Variants in TAF4B observed in about 807,000 individuals in gnomAD.
TAF4B encodes the protein transcription initiation factor TFIID subunit 4B.
TAF4B carries 38 observed loss-of-function variants against 86.4 expected under a neutral mutation model. The ratio of observed to expected loss-of-function variants is 0.44; its 90% CI spans 0.34 to 0.58. The LOEUF (loss-of-function observed/expected upper bound fraction) is 0.58. TAF4B is among the 20% of genes least tolerant of loss of function. The pLI, the probability that TAF4B is intolerant of heterozygous loss-of-function variation, is 0.02. For synonymous variants in TAF4B, 388 were observed against 391.2 expected (o/e 0.99, Z 0.10); for missense variants, 988 against 1,027.6 (o/e 0.96, Z 0.53).
At chr18:26,257,466 T>A (rs1449083269) in intron 1 of TAF4B, among the ~76,000 whole-genome samples, 2 of 152,170 alleles carry the variant, frequency 1.3e-5, no homozygotes, top group African/African-American at 4.8e-5. Context: ...GAGCATATAG[T>A]TGAATTTTGT....
intron 14 of TAF4B, among the ~76,000 whole-genome samples, chr18:26,368,796 A>G (rs1567925973): frequency 6.6e-6 from 1 of 152,130 alleles, no homozygotes; most frequent in Non-Finnish European, 1.5e-5. Flanking sequence ...CATAAATCTG[A>G]ATTTTTAGTT....
intron 9 of TAF4B, among the ~76,000 whole-genome samples, chr18:26,295,966 AT>A (rs1212213154): frequency 2.8e-5 from 4 of 144,458 alleles, no homozygotes; most frequent in African/African-American, 1.0e-4. Flanking sequence ...ATAGTTTTAA[AT>A]ATTAGTTCTT....
intron 14 of TAF4B, among the ~76,000 whole-genome samples, chr18:26,389,630 A>T (rs146507001): frequency 1.3e-5 from 2 of 152,234 alleles, no homozygotes; most frequent in African/African-American, 4.8e-5. Flanking sequence ...GCCATGCTGC[A>T]GGTGAGCAGG....
intron 9 of TAF4B, among the ~76,000 whole-genome samples, chr18:26,310,527 T>A (rs1392423796): frequency 1.3e-5 from 2 of 152,206 alleles, no homozygotes; most frequent in Non-Finnish European, 2.9e-5. Flanking sequence ...CTCACTGTGG[T>A]AGAGAGGCTC....
intron 13 of TAF4B, among the ~76,000 whole-genome samples, chr18:26,353,502 C>G (rs947344078): frequency 9.2e-5 from 14 of 152,216 alleles, no homozygotes; most frequent in Non-Finnish European, 1.8e-4. Context: ...AGGCCAAGGC[C>G]GGTGGATAGC....
chr18:26,323,607 A>G (rs11083171), intron 11 of TAF4B, among the ~76,000 whole-genome samples: 32,331 of 151,110 alleles, frequency 0.21, 4,135 homozygotes, highest in Non-Finnish European at 0.29. Flanking sequence ...AATTCTGTCA[A>G]TGTTTGTTTG....
At chr18:26,290,853 TTGAG>T (rs1450983399) in intron 7 of TAF4B, among the ~76,000 whole-genome samples, 1 of 152,196 alleles carries the variant, frequency 6.6e-6, no homozygotes, top group East Asian at 1.9e-4. Context: ...AGTGTTTCTC[TTGAG>T]TTTCAGTCTG....
At chr18:26,302,623 A>G (rs998210601) in intron 9 of TAF4B, among the ~76,000 whole-genome samples, 1 of 152,042 alleles carries the variant, frequency 6.6e-6, no homozygotes, top group Non-Finnish European at 1.5e-5. Context: ...GCATCCTCCC[A>G]AAGTGCTGGG....
Position 26,253,905 on chromosome 18 carries a change from AC to A in TAF4B, c.344-11257del, listed in dbSNP as rs200631552. ...ATTTGTGTAAAACTTATGCCCCCCC[AC>A]CCCCCCCATTTTATTTTGTTAATTA... On this transcript the variant is annotated intron_variant, in intron 1 of 14. Transcript: ENST00000269142. Among the ~76,000 whole-genome samples the A allele has an allele frequency of 5.0e-3, 130 of 26,224 alleles. 1 individual carries two copies. Among genetic ancestry groups the A allele is most frequent in the East Asian group, 0.049 (39 of 792 alleles). The allele number at this position is 26,224 out of a possible 152,430, so 17.2% of individuals were successfully genotyped here.
At chr18:26,265,823 GGGATTATA>G (rs1169103669) in intron 2 of TAF4B, among the ~76,000 whole-genome samples, 1 of 152,172 alleles carries the variant, frequency 6.6e-6, no homozygotes, top group Non-Finnish European at 1.5e-5. Flanking sequence ...CCAAAGTGCT[GGGATTATA>G]GGTGTGAGCC....
intron 9 of TAF4B, chr18:26,295,412 G>T: frequency 5.8e-6 from 1 of 172,576 alleles, no homozygotes; most frequent in Non-Finnish European, 1.2e-5. Context: ...TGAGGGGGAG[G>T]GGATAGTTTC....
chr18:26,367,338 C>G (rs766676306), intron 14 of TAF4B, among the ~76,000 whole-genome samples: 1 of 152,152 alleles, frequency 6.6e-6, no homozygotes, highest in Non-Finnish European at 1.5e-5. Context: ...GTGTAACTCT[C>G]AGTCCAAGGC....
intron 14 of TAF4B, among the ~76,000 whole-genome samples, chr18:26,363,328 T>C (rs1414725601): frequency 7.2e-6 from 1 of 139,746 alleles, no homozygotes; most frequent in Non-Finnish European, 1.5e-5. Flanking sequence ...TCCCAGCATT[T>C]TGAGAGGCTG....
At chr18:26,319,676 G>GTCTCAA (rs2056944798) in intron 10 of TAF4B, among the ~76,000 whole-genome samples, 1 of 151,848 alleles carries the variant, frequency 6.6e-6, no homozygotes, top group African/African-American at 2.4e-5. Context: ...TGCAATTTCC[G>GTCTCAA]CCTCCCAGGT....
chr18:26,248,027 C>T (rs981559327), intron 1 of TAF4B, among the ~76,000 whole-genome samples: 2 of 117,036 alleles, frequency 1.7e-5, no homozygotes, highest in Non-Finnish European at 3.5e-5. Flanking sequence ...AGGTGTGCCT[C>T]ACTATGCCCA....
At chr18:26,380,292 T>G (rs1002458471) in intron 14 of TAF4B, among the ~76,000 whole-genome samples, 1 of 152,226 alleles carries the variant, frequency 6.6e-6, no homozygotes, top group East Asian at 1.9e-4. Flanking sequence ...TTTAAAGCTA[T>G]ACAATTCCAT....
chr18:26,338,230 C>G (rs7229517), intron 13 of TAF4B, among the ~76,000 whole-genome samples: 12,625 of 152,038 alleles, frequency 0.083, 1,635 homozygotes, highest in African/African-American at 0.28. Flanking sequence ...GGTGAATCAT[C>G]TGAGCTTAGG....
At chr18:26,246,888 T>G (rs929223045) in intron 1 of TAF4B, among the ~76,000 whole-genome samples, 2 of 151,108 alleles carry the variant, frequency 1.3e-5, no homozygotes, top group African/African-American at 4.9e-5. Context: ...TTCACTCTTG[T>G]TGCCCAGGTT....
intron 1 of TAF4B, among the ~76,000 whole-genome samples, chr18:26,233,707 C>T (rs898249414): frequency 8.5e-5 from 13 of 152,124 alleles, no homozygotes; most frequent in African/African-American, 2.4e-4. Flanking sequence ...GGACTTAAAC[C>T]ACTTCCTCAG....
Sources: gnomAD v4.1 joint callset for allele counts (sites outside exome capture counted in the v4.1 genomes callset) on GRCh38, gnomAD v4.1.1 for gene constraint, MANE v1.5 for transcripts, NCBI Gene and HGNC (gene_info 2026-07-23, HGNC 2026-07-21) for gene names.